LHPP: variants seen among roughly 807,000 people sequenced by gnomAD.
LHPP encodes phospholysine phosphohistidine inorganic pyrophosphate phosphatase.
LHPP carries 24 observed loss-of-function variants against 30.3 expected under a neutral mutation model. The observed-to-expected ratio is 0.79, with a 90% CI of 0.57 to 1.11. LHPP has a LOEUF of 1.11. Ranked by LOEUF, LHPP falls within the 50% of genes most tolerant of loss-of-function variation. The pLI, the probability that LHPP is intolerant of heterozygous loss-of-function variation, is 0.00. For missense variants in LHPP, 356 were observed against 367.2 expected (o/e 0.97, Z 0.25); for synonymous variants, 150 against 157.1 (o/e 0.95, Z 0.34).
At chr10:124,513,437 TTTTTTTTCTTTAAAATTATTATTAC>T in intron 5 of LHPP, among the ~76,000 whole-genome samples, 1 of 130,648 alleles carries the variant, frequency 7.7e-6, no homozygotes, top group African/African-American at 4.2e-5. Flanking sequence ...TATTATTACT[TTTTTTTTCTTTAAAATTATTATTAC>T]TTTTTTTTTT....
At position 124,484,064 on chromosome 10, in the gene LHPP, A is replaced by G. The variant is rs1953234952; in HGVS notation, c.126-75A>G. On this transcript the variant is annotated intron_variant, in intron 1 of 6. Transcript: ENST00000368842. ...GGGCTTTGCTGGATGCCCTTCGAGA[A>G]TCACCGCGCAACCTCCTTCAGAGGC... 5.6e-6 allele frequency: 8 copies of G among 1,432,774 alleles called. No individual in the cohort carries two copies. The Admixed American group carries it at 1.6e-4, about 29-fold the overall frequency. The allele number at this position is 1,432,774 out of a possible 1,614,324, so 88.8% of individuals were successfully genotyped here.
At chr10:124,526,454 A>G (rs1251382919) in intron 6 of LHPP, among the ~76,000 whole-genome samples, 1 of 152,170 alleles carries the variant, frequency 6.6e-6, no homozygotes, top group African/African-American at 2.4e-5. Flanking sequence ...TCGGGATTCG[A>G]ACCCACCTCT....
chr10:124,572,104 C>G (rs1006090853), intron 6 of LHPP, among the ~76,000 whole-genome samples: 1 of 152,158 alleles, frequency 6.6e-6, no homozygotes, highest in African/African-American at 2.4e-5. Context: ...CCAGGGCTGG[C>G]AGGCCTGCCG....
chr10:124,525,238 A>G (rs574095613), intron 6 of LHPP, among the ~76,000 whole-genome samples: 1 of 152,300 alleles, frequency 6.6e-6, no homozygotes, highest in Admixed American at 6.5e-5. Flanking sequence ...CTCAGAGGGA[A>G]CATCTGGGTG....
Position 124,488,554 on chromosome 10 carries a change from T to G in LHPP, c.446T>G (p.Val149Gly). Reference protein sequence around the residue: ...FQVLMELEKPVLISLGKGRYY... With the variant: ...FQVLMELEKPGLISLGKGRYY... ...GTGCTCATGGAGCTGGAAAAACCTG[T>G]GCTCATATCACTGGGAAAAGGGTAA... is the stretch of plus-strand genomic sequence containing the variant. Residue 149 changes from valine (V) to glycine (G), a missense_variant, in exon 3 of 7, where the codon GTG becomes GGG. Transcript: ENST00000368842. The G allele has an allele frequency of 6.2e-7, 1 of 1,612,554 alleles. No individual in the cohort carries two copies.
intron 1 of LHPP, among the ~76,000 whole-genome samples, chr10:124,480,113 G>A (rs758915924): frequency 6.6e-6 from 1 of 152,164 alleles, no homozygotes; most frequent in Non-Finnish European, 1.5e-5. Flanking sequence ...TTAAACAATA[G>A]TGCCTACTTT....
At chr10:124,603,027 G>C (rs778232753) in intron 6 of LHPP, among the ~76,000 whole-genome samples, 5 of 149,692 alleles carry the variant, frequency 3.3e-5, no homozygotes, top group Admixed American at 6.7e-5. Context: ...GGTGTGGCCA[G>C]CTGCAGTCCC....
chr10:124,558,794 C>T (rs915263169), intron 6 of LHPP, among the ~76,000 whole-genome samples: 1 of 152,228 alleles, frequency 6.6e-6, no homozygotes, highest in Non-Finnish European at 1.5e-5. Context: ...TCTCAGCAAA[C>T]AAAACTAGGA....
At chr10:124,519,105 G>A (rs1308639233) in intron 6 of LHPP, among the ~76,000 whole-genome samples, 2 of 152,062 alleles carry the variant, frequency 1.3e-5, no homozygotes, top group African/African-American at 4.8e-5. Context: ...GCACCACCAC[G>A]CCTGGCTAGT....
At chr10:124,500,297 A>G (rs935457676) in intron 5 of LHPP, among the ~76,000 whole-genome samples, 1 of 151,818 alleles carries the variant, frequency 6.6e-6, no homozygotes, top group African/African-American at 2.4e-5. Flanking sequence ...ACATGGTGAA[A>G]CCCCGTCTCT....
chr10:124,571,233 TC>T (rs1948580567), intron 6 of LHPP, among the ~76,000 whole-genome samples: 1 of 152,228 alleles, frequency 6.6e-6, no homozygotes, highest in South Asian at 2.1e-4. Flanking sequence ...CTGATACACT[TC>T]CACTTTTTGG....
Position 124,596,657 on chromosome 10 carries a change from G to A in LHPP, c.717-16607G>A, listed in dbSNP as rs547936045. Reference sequence around the variant, plus strand: ...GGGACCCTAAACAACACCCAGGGAGGAGCAGCCTGGCCTATGAGCAGGGGG... The same window carrying A: ...GGGACCCTAAACAACACCCAGGGAGAAGCAGCCTGGCCTATGAGCAGGGGG... On this transcript the variant is annotated intron_variant, in intron 6 of 6. Coordinates refer to ENST00000368842, the MANE Select transcript of LHPP (RefSeq NM_022126.4). This position sits in a 1 kb window ranked among gnomAD's most constrained non-coding sequence, Gnocchi z 4.6. Among the ~76,000 whole-genome samples, 39 of 152,306 alleles carry A rather than the reference G, an allele frequency of 2.6e-4. No homozygotes were observed. Among genetic ancestry groups the A allele is most frequent in the African/African-American group, 9.1e-4 (38 of 41,560 alleles).
intron 6 of LHPP, among the ~76,000 whole-genome samples, chr10:124,555,789 T>C (rs577651301): frequency 6.6e-6 from 1 of 152,362 alleles, no homozygotes; most frequent in South Asian, 2.1e-4. Flanking sequence ...TTTTTTCTTA[T>C]TGATAATAAA....
At chr10:124,493,581 A>T (rs778207461) in intron 3 of LHPP, 1 of 152,236 alleles carries the variant, frequency 6.6e-6, no homozygotes, top group African/African-American at 2.4e-5. Flanking sequence ...CCGACAGACT[A>T]TGGAAGGTTA....
At chr10:124,483,282 CCTTTGTA>C (rs1215415091) in intron 1 of LHPP, among the ~76,000 whole-genome samples, 1 of 152,178 alleles carries the variant, frequency 6.6e-6, no homozygotes, top group African/African-American at 2.4e-5. Context: ...GGGCCATCTG[CCTTTGTA>C]CTTTTTGGGA....
intron 6 of LHPP, among the ~76,000 whole-genome samples, chr10:124,522,731 C>T (rs1032619745): frequency 2.2e-4 from 32 of 148,764 alleles, no homozygotes; most frequent in Non-Finnish European, 4.5e-4. Context: ...ACGCCCCCCC[C>T]CAAGCACTGT....
intron 6 of LHPP, chr10:124,612,854 C>T (rs1949219690): frequency 4.9e-6 from 1 of 205,624 alleles, no homozygotes; most frequent in South Asian, 9.7e-5. Flanking sequence ...TGCACATGGA[C>T]TAGGCTCCTC....
chr10:124,534,750 C>T lies in LHPP; in HGVS notation c.716+17479C>T, dbSNP rs1328024876. Reference sequence around the variant, plus strand: ...GCTTCGGGCTGGGGCCCTGCTGCGGCGAGGGGGGTGCTCCCCAGGCTGGCG... The same window carrying T: ...GCTTCGGGCTGGGGCCCTGCTGCGGTGAGGGGGGTGCTCCCCAGGCTGGCG... On this transcript the variant is annotated intron_variant, in intron 6 of 6. Coordinates refer to ENST00000368842, the MANE Select transcript of LHPP (RefSeq NM_022126.4). 2.0e-5 allele frequency among the ~76,000 whole-genome samples: 3 copies of T among 152,060 alleles called. No homozygotes were observed. In the South Asian group the frequency reaches 6.2e-4, roughly 32 times the overall value.
chr10:124,587,738 TAAAA>T (rs747954796), intron 6 of LHPP, among the ~76,000 whole-genome samples: 5 of 53,002 alleles, frequency 9.4e-5, no homozygotes, highest in African/African-American at 1.3e-4. Flanking sequence ...AGACTCCATC[TAAAA>T]AAAAAAAAAA....
Sources: allele counts gnomAD v4.1 joint callset (sites outside exome capture counted in the v4.1 genomes callset), GRCh38; gene constraint gnomAD v4.1.1; non-coding constraint Gnocchi (gnomAD v3.1); transcripts MANE v1.5; gene names NCBI Gene and HGNC (gene_info 2026-07-23, HGNC 2026-07-21).